C11orf54: variants seen among roughly 807,000 people sequenced by gnomAD.
The protein encoded by C11orf54 is beta-keto L-gulonate decarboxylase.
A neutral mutation model predicts 35.5 loss-of-function variants in C11orf54; 29 were observed. The ratio of observed to expected loss-of-function variants is 0.82; its 90% confidence interval spans 0.61 to 1.11. The LOEUF is 1.11. Ranked by LOEUF, C11orf54 falls within the 50% of genes most tolerant of loss-of-function variation. C11orf54 has a pLI of 0.00. For synonymous variants in C11orf54, 108 were observed against 121.1 expected (o/e 0.89, Z 0.71); for missense variants, 373 against 369.2 (o/e 1.01, Z -0.08).
chr11:93,745,149 G>A (rs1306429787), intron 1 of C11orf54, among the ~76,000 whole-genome samples: 1 of 152,190 alleles, frequency 6.6e-6, no homozygotes, highest in Admixed American at 6.5e-5. Flanking sequence ...CGAATAGTCG[G>A]CTTTACACGG....
chr11:93,750,185 T>C (rs1030598709), intron 2 of C11orf54, among the ~76,000 whole-genome samples, 161 bp from the exon 3 acceptor site: 1 of 152,242 alleles, frequency 6.6e-6, no homozygotes, highest in African/African-American at 2.4e-5. Context: ...CTTGTGATTA[T>C]GTCTAATGTC....
rs760957095 is a variant in C11orf54, at chr11:93,750,332, CTTGTCT to C, written c.56-11_56-6del. 1.7e-5 allele frequency: 27 copies of C among 1,606,486 alleles called. No individual in the cohort carries two copies. In the East Asian group the frequency reaches 5.6e-4, roughly 33 times the overall value. Reference sequence around the variant, plus strand: ...TACCTAATGTTAAATAATCTTATTCCTTGTCTTTATTAGTTATGCAGAAGGGGTTAA... The same window carrying C: ...TACCTAATGTTAAATAATCTTATTCCTTATTAGTTATGCAGAAGGGGTTAA... On this transcript the variant is annotated splice_polypyrimidine_tract_variant and splice_region_variant and intron_variant, in intron 2 of 8. Coordinates refer to ENST00000354421, the MANE Select transcript of C11orf54 (RefSeq NM_001286069.2).
chr11:93,749,518 A>AAC (rs1172192348), intron 2 of C11orf54, among the ~76,000 whole-genome samples: 4 of 151,224 alleles, frequency 2.6e-5, no homozygotes, highest in Non-Finnish European at 5.9e-5. Context: ...AAAAAAAAAA[A>AAC]AAAAAAAAAC....
At chr11:93,742,157 G>C (rs1205869966) in intron 1 of C11orf54, 1 of 152,942 alleles carries the variant, frequency 6.5e-6, no homozygotes, top group African/African-American at 2.4e-5. Flanking sequence ...ACCTGTGGAG[G>C]ATTTGTTTTT....
Position 93,755,270 on chromosome 11 carries a change from G to A in C11orf54, c.391G>A (p.Ala131Thr). Residue 131 changes from alanine (A) to threonine (T), a missense_variant, in exon 6 of 9, where the codon GCC becomes ACC. Physicochemically the swap from Ala to Thr is moderately conservative, Grantham distance 58. Transcript: ENST00000354421. ...GCCTCCTGTAAATGGAAGTTACTTT[G>A]CCCATGTGAACCCTGCAGATGGAGG... Reference protein sequence around the residue: ...HKPPVNGSYFAHVNPADGGCL... With the variant: ...HKPPVNGSYFTHVNPADGGCL... 1 of 1,614,092 alleles carries A rather than the reference G, an allele frequency of 6.2e-7. No homozygotes were observed. The highest frequency in any genetic ancestry group is 1.1e-5 in the South Asian group (1 of 91,080).
At chr11:93,756,505 A>T (rs1433079972) in intron 6 of C11orf54, among the ~76,000 whole-genome samples, 1 of 146,674 alleles carries the variant, frequency 6.8e-6, no homozygotes, top group Non-Finnish European at 1.5e-5. Flanking sequence ...AAAAAAAAAA[A>T]GACTACTTAG....
At chr11:93,750,287 A>G in intron 2 of C11orf54, 59 bp from the exon 3 acceptor site, 2 of 1,387,490 alleles carry the variant, frequency 1.4e-6, no homozygotes, top group Non-Finnish European at 2.0e-6. Context: ...ACCACTTTTG[A>G]TACGTGGTAG....
Position 93,754,007 on chromosome 11 carries a change from T to C in C11orf54, c.300T>C (p.Gly100=). ...CCTTTATTCTTGGAGCAGGAGCAGG[T>C]CCATTTCAGACTCTCGGGTTCAATT... The part of the protein sequence containing the change: ...PGAFILGAGA[G]PFQTLGFNSE... Residue 100 remains glycine (G), a synonymous_variant, in exon 5 of 9, where the codon GGT becomes GGC. Coordinates refer to ENST00000354421, the MANE Select transcript of C11orf54 (RefSeq NM_001286069.2). 6.2e-7 allele frequency: 1 copy of C among 1,614,118 alleles called. No homozygotes were observed. The highest frequency in any genetic ancestry group is 1.1e-5 in the South Asian group (1 of 91,082).
At chr11:93,757,698 T>C (rs1371893828) in intron 7 of C11orf54, among the ~76,000 whole-genome samples, 1 of 152,020 alleles carries the variant, frequency 6.6e-6, no homozygotes, top group African/African-American at 2.4e-5. Context: ...ACCGGCTCAT[T>C]TTGTAGTTTT....
rs959369620 is a variant in C11orf54, at chr11:93,761,760, A to G, written c.*72A>G. 5.9e-6 allele frequency: 8 copies of G among 1,359,438 alleles called. No homozygotes were observed. The African/African-American group carries it at 1.2e-4, about 20-fold the overall frequency. 84.2% of individuals were successfully genotyped at this position (1,359,438 alleles called of 1,614,324 possible). On this transcript the variant is annotated 3_prime_UTR_variant, in exon 9 of 9. Coordinates refer to ENST00000354421, the MANE Select transcript of C11orf54 (RefSeq NM_001286069.2). ...TTGATTGACTTATTAATTAATACTGATATAAAACCAATAGAAATGATCCCA... is the reference window on the plus strand; with the variant it reads ...TTGATTGACTTATTAATTAATACTGGTATAAAACCAATAGAAATGATCCCA...
In C11orf54 at chr11:93,759,832, C is replaced by A; in HGVS notation, c.748C>A (p.Leu250Ile). ...FYEMKAPLVCLPVFVSRDPGF... is the reference protein window; with the variant it reads ...FYEMKAPLVCIPVFVSRDPGF... ...TGAAATGAAAGCTCCTTTGGTTTGT[C>A]TACCAGTTTTTGTCTCCAGAGACCC... The change falls in exon 8 of 9, where the codon CTA becomes ATA. Residue 250 changes from leucine to isoleucine, a missense_variant. Physicochemically the swap from Leu to Ile is conservative, Grantham distance 5 (BLOSUM62 2). Transcript: ENST00000354421. 1 of 1,607,098 alleles carries A rather than the reference C, an allele frequency of 6.2e-7. No individual in the cohort carries two copies. The highest frequency in any genetic ancestry group is 8.5e-7 in the Non-Finnish European group (1 of 1,174,894).
chr11:93,751,781 G>A (rs1053790743), intron 3 of C11orf54, among the ~76,000 whole-genome samples: 2 of 151,158 alleles, frequency 1.3e-5, no homozygotes, highest in African/African-American at 4.9e-5. Flanking sequence ...TAAAGGTCAG[G>A]AGACAGAAGA....
intron 2 of C11orf54, among the ~76,000 whole-genome samples, chr11:93,748,432 G>A (rs1163954013): frequency 1.3e-5 from 2 of 152,130 alleles, no homozygotes; most frequent in African/African-American, 4.8e-5. Flanking sequence ...ACAGGCATGA[G>A]CCACCATGCT....
chr11:93,747,313 A>T lies in C11orf54; in HGVS notation c.-81A>T. ...CATTTCCAGAACAGAAACTGTTCAT[A>T]CTTGGTGCGCTGTGGACTCTTGTGA... On this transcript the variant is annotated 5_prime_UTR_variant, in exon 2 of 9. Coordinates refer to ENST00000354421, the MANE Select transcript of C11orf54 (RefSeq NM_001286069.2). The T allele has an allele frequency of 1.9e-6, 2 of 1,075,148 alleles. No individual in the cohort carries two copies. Among genetic ancestry groups the T allele is most frequent in the Non-Finnish European group, 2.7e-6 (2 of 747,560 alleles). 66.6% of individuals were successfully genotyped at this position (1,075,148 alleles called of 1,614,324 possible).
Position 93,753,755 on chromosome 11 carries a change from AG to A in C11orf54, c.228+1del. 3 of 1,613,422 alleles carry A rather than the reference AG, an allele frequency of 1.9e-6. No homozygotes were observed. The highest frequency in any genetic ancestry group is 1.1e-5 in the South Asian group (1 of 90,968). On this transcript the variant is annotated splice_donor_variant, in intron 4 of 8. Coordinates refer to ENST00000354421, the MANE Select transcript of C11orf54 (RefSeq NM_001286069.2). LOFTEE classifies it high-confidence loss of function. ...TATTGCCTCTTGTAAACCAAAAAAA[AG>A]TAAGTACTTTTACTCTGCATATTCA...
At chr11:93,747,642 T>TTCTG (rs10622440) in intron 2 of C11orf54, among the ~76,000 whole-genome samples, 194 bp downstream of exon 2, 139,935 of 151,634 alleles carry the variant, frequency 0.92, 65,540 homozygotes, top group East Asian at 1. Flanking sequence ...AAAGTCCAAA[T>TTCTG]TCTGTCTAAA....
Position 93,749,537 on chromosome 11 carries a change from C to T in C11orf54, c.56-809C>T, listed in dbSNP as rs1248313768. On this transcript the variant is annotated intron_variant, in intron 2 of 8. Transcript: ENST00000354421. ...AAAAAAAAAAAAAAAACTGTTGAGG[C>T]TAGGTGTGATGGCTCATTGTAATCC... 4.4e-5 allele frequency among the ~76,000 whole-genome samples: 6 copies of T among 137,698 alleles called. No homozygotes were observed. In the East Asian group the frequency reaches 1.3e-3, roughly 30 times the overall value. 90.3% of individuals were successfully genotyped at this position (137,698 alleles called of 152,430 possible).
chr11:93,757,510 G>T (rs1943218360), intron 7 of C11orf54, 45 bp downstream of exon 7: 5 of 1,541,168 alleles, frequency 3.2e-6, no homozygotes, highest in Middle Eastern at 1.7e-4. Flanking sequence ...GTTTGTGTGT[G>T]TGCACTTACT....
At position 93,752,420 on chromosome 11, in the gene C11orf54, A is replaced by C. The variant is rs141145704; in HGVS notation, c.155-1262A>C. On this transcript the variant is annotated intron_variant, in intron 3 of 8. Transcript: ENST00000354421. Reference sequence around the variant, plus strand: ...CTTGCTAAGATCACCAGTGACCTTAAAATGTTTACTAGTACTATTTAACCT... The same window carrying C: ...CTTGCTAAGATCACCAGTGACCTTACAATGTTTACTAGTACTATTTAACCT... Among the ~76,000 whole-genome samples the C allele has an allele frequency of 1.6e-4, 25 of 152,204 alleles. No individual in the cohort carries two copies. The East Asian group carries it at 4.9e-3, about 30-fold the overall frequency.
Sources: gnomAD v4.1 joint callset for allele counts (sites outside exome capture counted in the v4.1 genomes callset) on GRCh38, gnomAD v4.1.1 for gene constraint, MANE v1.5 for transcripts, NCBI Gene and HGNC (gene_info 2026-07-23, HGNC 2026-07-21) for gene names.